NINJ2: variants seen among roughly 807,000 people sequenced by gnomAD.
NINJ2 encodes the protein ninjurin 2.
A neutral mutation model predicts 11.7 loss-of-function variants in NINJ2; 12 were observed. That is an observed-to-expected ratio of 1.02 (90% confidence interval 0.66 to 1.66). The LOEUF is 1.66. NINJ2 is among the 40% of genes most tolerant of loss of function. NINJ2 has a pLI of 0.00. For missense variants in NINJ2, 187 were observed against 181.8 expected (o/e 1.03, Z -0.16); for synonymous variants, 93 against 76.8 (o/e 1.21, Z -1.10).
intron 1 of NINJ2, among the ~76,000 whole-genome samples, chr12:647,801 A>T (rs1266467352): frequency 2.0e-5 from 3 of 152,166 alleles, no homozygotes; most frequent in Non-Finnish European, 4.4e-5. Flanking sequence ...GGGTCTAAGG[A>T]TTTGCATTTC....
At chr12:574,593 C>G (rs1238346846) in intron 1 of NINJ2, among the ~76,000 whole-genome samples, 1 of 151,736 alleles carries the variant, frequency 6.6e-6, no homozygotes, top group African/African-American at 2.4e-5. Context: ...GGCTTGCAAG[C>G]TCTCTGGCCC....
rs1167577769 is a variant in NINJ2, at chr12:581,398, G to C, written c.34-15220C>G. Among the ~76,000 whole-genome samples, 2 of 152,270 alleles carry C rather than the reference G, an allele frequency of 1.3e-5. No homozygotes were observed. The highest frequency in any genetic ancestry group is 4.8e-5 in the African/African-American group (2 of 41,556). ...AAAGCCGCTCCTGATTGGTGGGCCA[G>C]CCTGAATCTGCTGCGCCTGCCAGCT... On this transcript the variant is annotated intron_variant, in intron 1 of 3. Coordinates refer to ENST00000305108, the MANE Select transcript of NINJ2 (RefSeq NM_016533.6). The surrounding 1 kb of genome is among the most constrained non-coding windows in gnomAD (Gnocchi z 4.9).
chr12:621,208 G>A (rs747647118), intron 1 of NINJ2, among the ~76,000 whole-genome samples: 3 of 152,124 alleles, frequency 2.0e-5, no homozygotes, highest in Non-Finnish European at 4.4e-5. Flanking sequence ...AGCACTTTAG[G>A]AGGCTGAGGC....
rs1481891279 is a variant in NINJ2 at position 585,496 on chromosome 12, AGGG to A, written c.34-19321_34-19319del. 2.2e-3 allele frequency among the ~76,000 whole-genome samples: 46 copies of A among 20,796 alleles called. No individual in the cohort carries two copies. In the South Asian group the frequency reaches 0.057, roughly 26 times the overall value. The allele number at this position is 20,796 out of a possible 152,430, so 13.6% of individuals were successfully genotyped here. A position where few individuals can be genotyped will look rare whatever the true frequency, so the allele number is the denominator to read the frequency against. ...TGGAGGAAGGGAACGGTTGGAGGGA[AGGG>A]AAGGGAACGGTTGGAGGGAAGGGAA... On this transcript the variant is annotated intron_variant, in intron 1 of 3. Coordinates refer to ENST00000305108, the MANE Select transcript of NINJ2 (RefSeq NM_016533.6). This position sits in a 1 kb window ranked among gnomAD's most constrained non-coding sequence, Gnocchi z 4.1.
intron 1 of NINJ2, among the ~76,000 whole-genome samples, chr12:617,319 G>A (rs945013533): frequency 6.6e-6 from 1 of 152,180 alleles, no homozygotes; most frequent in African/African-American, 2.4e-5. Flanking sequence ...GACACTGGGG[G>A]AAGAGCCCAC....
At chr12:626,135 C>T (rs142500915) in intron 1 of NINJ2, among the ~76,000 whole-genome samples, 101 of 152,374 alleles carry the variant, frequency 6.6e-4, no homozygotes, top group African/African-American at 2.3e-3. Context: ...GTCCTTGAGA[C>T]AGGACATCAA....
chr12:576,519 G>C (rs1393018183), intron 1 of NINJ2, among the ~76,000 whole-genome samples: 1 of 152,276 alleles, frequency 6.6e-6, no homozygotes, highest in Non-Finnish European at 1.5e-5. Context: ...TCTTGGGGCA[G>C]GCCCTTGCTC....
intron 1 of NINJ2, among the ~76,000 whole-genome samples, chr12:617,643 C>T (rs535260682): frequency 4.1e-4 from 62 of 152,322 alleles, no homozygotes; most frequent in Middle Eastern, 6.8e-3. Context: ...CACAGAAGGC[C>T]GGCTGGCTGA....
At position 565,391 on chromosome 12, in the gene NINJ2, G is replaced by A; in HGVS notation, c.273C>T (p.Asn91=). Residue 91 remains asparagine, a synonymous_variant, in exon 3 of 4, where the codon AAC becomes AAT. Transcript: ENST00000305108. ...GVLLVVIARL[N]LNEVEKQWRL... is the part of the protein sequence containing the mutation. ...GCCACTGCTTTTCTACCTCATTCAG[G>A]TTCAGCCGTGCTGCAGGGAAGTGGA... The A allele has an allele frequency of 6.2e-7, 1 of 1,614,070 alleles. No homozygotes were observed. The highest frequency in any genetic ancestry group is 1.3e-5 in the African/African-American group (1 of 75,062).
rs796668195 is a variant in NINJ2 at position 569,644 on chromosome 12, G to T, written c.34-3466C>A. Among the ~76,000 whole-genome samples, 57 of 152,356 alleles carry T rather than the reference G, an allele frequency of 3.7e-4. 1 individual carries two copies. Among genetic ancestry groups the T allele is most frequent in the African/African-American group, 1.2e-3 (51 of 41,578 alleles). On this transcript the variant is annotated intron_variant, in intron 1 of 3. Transcript: ENST00000305108. ...GTTGAGCACTGACCAAATAGTGGGG[G>T]AAGGGGTGGCAGGGGGTGGCAGGGG... is the stretch of plus-strand genomic sequence containing the variant.
intron 1 of NINJ2, among the ~76,000 whole-genome samples, chr12:629,450 C>T (rs1948244665): frequency 6.6e-6 from 1 of 152,166 alleles, no homozygotes; most frequent in Non-Finnish European, 1.5e-5. Context: ...AGGATCCTGT[C>T]TTCCAGGTCT....
At chr12:566,855 C>G (rs1159023243) in intron 1 of NINJ2, among the ~76,000 whole-genome samples, 1 of 152,230 alleles carries the variant, frequency 6.6e-6, no homozygotes, top group African/African-American at 2.4e-5. Context: ...TTTATTGAAG[C>G]ATAATTTACT....
Position 580,938 on chromosome 12 carries a change from G to A in NINJ2, c.34-14760C>T, listed in dbSNP as rs1379012805. 1.3e-5 allele frequency among the ~76,000 whole-genome samples: 2 copies of A among 151,846 alleles called. No individual in the cohort carries two copies. The highest frequency in any genetic ancestry group is 2.9e-5 in the Non-Finnish European group (2 of 67,948). ...TGTATGTTTGTGTGTGTGTGCCTGT[G>A]TGTCTGTGTGTATTCATGTGTGTTT... On this transcript the variant is annotated intron_variant, in intron 1 of 3. Transcript: ENST00000305108. This position sits in a 1 kb window ranked among gnomAD's most constrained non-coding sequence, Gnocchi z 4.7.
chr12:588,225 AG>A (rs1565626016), intron 1 of NINJ2, among the ~76,000 whole-genome samples: 1 of 140,700 alleles, frequency 7.1e-6, no homozygotes, highest in Non-Finnish European at 1.6e-5. Context: ...AGGGGACGGA[AG>A]GGACAGAAGG....
chr12:645,296 G>C (rs1937659018), intron 1 of NINJ2: 1 of 152,086 alleles, frequency 6.6e-6, no homozygotes, highest in South Asian at 2.1e-4. Flanking sequence ...TAACTTCTCT[G>C]GGCCTTGGAT....
At chr12:643,536 C>T in intron 1 of NINJ2, 2 of 988,136 alleles carry the variant, frequency 2.0e-6, no homozygotes, top group Non-Finnish European at 2.4e-6. Context: ...TTAATCCTCC[C>T]AAGACCTGTG....
At chr12:651,253 T>C (rs1321746039) in intron 1 of NINJ2, among the ~76,000 whole-genome samples, 1 of 152,240 alleles carries the variant, frequency 6.6e-6, no homozygotes, top group Non-Finnish European at 1.5e-5. Flanking sequence ...TGGTTCTTCT[T>C]AACAAGGCCT....
In NINJ2 at chr12:633,472, C is replaced by A. The variant is rs2120442652; in HGVS notation, c.33+29856G>T. ...CCGAGATGGTGCCACTGCATTCCAG[C>A]CTGGGCAACAGAAAGAGACTGTCTC... On this transcript the variant is annotated intron_variant, in intron 1 of 3. Coordinates refer to ENST00000305108, the MANE Select transcript of NINJ2 (RefSeq NM_016533.6). The surrounding 1 kb of genome is among the most constrained non-coding windows in gnomAD (Gnocchi z 4.3). 6.6e-6 allele frequency among the ~76,000 whole-genome samples: 1 copy of A among 152,004 alleles called. No homozygotes were observed. Among genetic ancestry groups the A allele is most frequent in the South Asian group, 2.1e-4 (1 of 4,814 alleles).
At chr12:657,591 AAAAT>A (rs956607940) in intron 1 of NINJ2, among the ~76,000 whole-genome samples, 2 of 152,174 alleles carry the variant, frequency 1.3e-5, no homozygotes, top group African/African-American at 2.4e-5. Flanking sequence ...TCCTTCTCAA[AAAAT>A]AAATAAATAA....
Sources: gnomAD v4.1 joint callset for allele counts (sites outside exome capture counted in the v4.1 genomes callset) on GRCh38, gnomAD v4.1.1 for gene constraint, Gnocchi (gnomAD v3.1) non-coding constraint, MANE v1.5 for transcripts, NCBI Gene and HGNC (gene_info 2026-07-23, HGNC 2026-07-21) for gene names.